Variants in CCNJL observed in about 807,000 individuals in gnomAD.
CCNJL encodes the protein cyclin-J-like protein.
In CCNJL, 33 loss-of-function variants were observed where a neutral mutation model predicts 33.4. The ratio of observed to expected loss-of-function variants is 0.99; its 90% CI spans 0.75 to 1.32. The LOEUF (loss-of-function observed/expected upper bound fraction) is 1.32. Among genes scored for constraint, CCNJL ranks in the 40% most tolerant of loss-of-function variants. The pLI is 0.00. For missense variants in CCNJL, 512 were observed against 499.7 expected, an observed-to-expected ratio of 1.02 and a Z score of -0.23; for synonymous variants, 227 against 220.9, an observed-to-expected ratio of 1.03 and a Z score of -0.24.
At chr5:160,259,344 C>G in intron 4 of CCNJL, 125 bp downstream of exon 4, 1 of 771,856 alleles carries the variant, frequency 1.3e-6, no homozygotes, top group Non-Finnish European at 2.1e-6. Flanking sequence ...TAAGAGTGAT[C>G]TGGGTGCACA....
chr5:160,328,090 G>A (rs976287659), intron 1 of CCNJL, among the ~76,000 whole-genome samples: 1 of 152,152 alleles, frequency 6.6e-6, no homozygotes, highest in Non-Finnish European at 1.5e-5. Context: ...GCAGGAGTGC[G>A]CGTGGCATGT....
At position 160,259,722 on chromosome 5, in the gene CCNJL, G is replaced by A. The variant is rs1413403429; in HGVS notation, c.330C>T (p.Asn110=). Residue 110 remains asparagine (N), a synonymous_variant, in exon 4 of 6, where the codon AAC becomes AAT. Transcript: ENST00000257536. The part of the protein sequence containing the change: ...EDHVPKLEQI[N]STRILSSQNF... ...TCTGGCTGCTCAGGATCCTCGTGCTGTTTATTTGCTCCAACTTGGGGACGT... is the reference window on the plus strand; with the variant it reads ...TCTGGCTGCTCAGGATCCTCGTGCTATTTATTTGCTCCAACTTGGGGACGT... 6 of 1,613,770 alleles carry A rather than the reference G, an allele frequency of 3.7e-6. No individual in the cohort carries two copies. Among genetic ancestry groups the A allele is most frequent in the Non-Finnish European group, 4.2e-6 (5 of 1,179,694 alleles).
intron 1 of CCNJL, among the ~76,000 whole-genome samples, chr5:160,330,960 C>T (rs1232449067): frequency 6.6e-6 from 1 of 152,096 alleles, no homozygotes; most frequent in East Asian, 1.9e-4. Context: ...GCCCACTGCT[C>T]CTGTCTTAAT....
intron 3 of CCNJL, among the ~76,000 whole-genome samples, chr5:160,271,082 A>G (rs1458332614): frequency 6.6e-6 from 1 of 152,214 alleles, no homozygotes; most frequent in East Asian, 1.9e-4. Flanking sequence ...CCTTGAAGAC[A>G]ATCTCAAAAA....
chr5:160,288,363 C>G, intron 2 of CCNJL, among the ~76,000 whole-genome samples: 1 of 152,050 alleles, frequency 6.6e-6, no homozygotes, highest in South Asian at 2.1e-4. Flanking sequence ...GTTACAAGGC[C>G]CAGCTCAAAA....
At chr5:160,313,282 T>C (rs765052980), upstream of CCNJL, among the ~76,000 whole-genome samples, 1 of 152,252 alleles carries the variant, frequency 6.6e-6, no homozygotes, top group Non-Finnish European at 1.5e-5. Context: ...CTTGGCTGAT[T>C]GATTTTTGTG....
intron 3 of CCNJL, among the ~76,000 whole-genome samples, chr5:160,265,859 A>G (rs1323889005): frequency 3.0e-4 from 34 of 111,610 alleles, no homozygotes; most frequent in South Asian, 1.0e-3. Context: ...TCTCCAGGGG[A>G]AAAAAAAAAA....
At chr5:160,335,458 G>A (rs1361857098) in intron 1 of CCNJL, among the ~76,000 whole-genome samples, 1 of 152,078 alleles carries the variant, frequency 6.6e-6, no homozygotes, top group Non-Finnish European at 1.5e-5. Flanking sequence ...GGCATGTTTT[G>A]CCTCCATTCC....
At chr5:160,263,212 G>GTGA (rs1761423268) in intron 3 of CCNJL, among the ~76,000 whole-genome samples, 2 of 152,186 alleles carry the variant, frequency 1.3e-5, no homozygotes, top group African/African-American at 2.4e-5. Flanking sequence ...AGTTGCAGAC[G>GTGA]TGACATGCCA....
intron 1 of CCNJL, among the ~76,000 whole-genome samples, chr5:160,333,327 T>C (rs1271012291): frequency 6.6e-6 from 1 of 152,064 alleles, no homozygotes; most frequent in East Asian, 1.9e-4. Context: ...GGTTTCACCG[T>C]GTTAGCCTGG....
At chr5:160,254,355 C>A (rs1320959764) in intron 5 of CCNJL, 2 of 657,998 alleles carry the variant, frequency 3.0e-6, no homozygotes, top group Non-Finnish European at 5.4e-6. Context: ...AGATTTTTGC[C>A]ATCTCAAAAA....
intron 3 of CCNJL, among the ~76,000 whole-genome samples, chr5:160,278,302 CCTGT>C (rs1273658255): frequency 6.6e-6 from 1 of 152,124 alleles, no homozygotes; most frequent in Admixed American, 6.5e-5. Context: ...GCCCAGCCTT[CCTGT>C]CTATCTGGAA....
chr5:160,262,896 AGCT>A (rs1293460812), intron 3 of CCNJL, among the ~76,000 whole-genome samples: 1 of 152,234 alleles, frequency 6.6e-6, no homozygotes. Flanking sequence ...ACCGTTACTC[AGCT>A]GCTTCCTCCT....
chr5:160,277,633 T>C (rs569836817), intron 3 of CCNJL, among the ~76,000 whole-genome samples: 1 of 152,284 alleles, frequency 6.6e-6, no homozygotes, highest in East Asian at 1.9e-4. Context: ...TCTCGCTTCT[T>C]CTGCCTCCTC....
chr5:160,270,839 C>A (rs980873860), intron 3 of CCNJL, among the ~76,000 whole-genome samples: 1 of 152,308 alleles, frequency 6.6e-6, no homozygotes, highest in African/African-American at 2.4e-5. Flanking sequence ...GAAGCCAGAG[C>A]TAGCAGAATA....
intron 4 of CCNJL, among the ~76,000 whole-genome samples, chr5:160,256,585 A>C (rs76306344): frequency 0.017 from 2,607 of 152,298 alleles, 64 homozygotes; most frequent in African/African-American, 0.059. Context: ...TTCCTGAATG[A>C]CACTGGATTT....
chr5:160,261,910 G>C (rs1761352653), intron 3 of CCNJL, among the ~76,000 whole-genome samples: 1 of 152,204 alleles, frequency 6.6e-6, no homozygotes, highest in African/African-American at 2.4e-5. Flanking sequence ...CTGGCACATA[G>C]TAGGTACCCA....
intron 3 of CCNJL, among the ~76,000 whole-genome samples, chr5:160,267,538 G>T (rs530198273): frequency 5.9e-5 from 9 of 151,956 alleles, no homozygotes; most frequent in Non-Finnish European, 1.3e-4. Context: ...CCAAAGTCCC[G>T]AGCTTTTTAC....
intron 2 of CCNJL, among the ~76,000 whole-genome samples, chr5:160,291,036 T>TA (rs1177369719): frequency 0.015 from 835 of 57,458 alleles, 20 homozygotes; most frequent in African/African-American, 0.018. Context: ...CGTCTTTACT[T>TA]AAAAAAAAAA....
Sources: allele counts gnomAD v4.1 joint callset (sites outside exome capture counted in the v4.1 genomes callset), GRCh38; gene constraint gnomAD v4.1.1; transcripts MANE v1.5; gene names NCBI Gene and HGNC (gene_info 2026-07-23, HGNC 2026-07-21).